Variants in AGAP5 observed in about 807,000 individuals in gnomAD.
AGAP5 encodes the protein arf-GAP with GTPase, ANK repeat and PH domain-containing protein 5.
AGAP5 carries 8 observed loss-of-function variants against 27.7 expected under a neutral mutation model. That is an observed-to-expected ratio of 0.29 (90% CI 0.17 to 0.52). AGAP5 has a LOEUF of 0.52. AGAP5 is among the 20% of genes least tolerant of loss of function. The probability of loss-of-function intolerance (pLI) is 0.97; values close to 1 mark genes in which losing one functional copy is unlikely to be tolerated. For synonymous variants in AGAP5, 111 were observed against 338.0 expected (o/e 0.33, Z 7.37); for missense variants, 285 against 880.8 (o/e 0.32, Z 8.56).
At chr10:73,686,577 G>C (rs1187318819) in intron 4 of AGAP5, among the ~76,000 whole-genome samples, 3 of 152,198 alleles carry the variant, frequency 2.0e-5, no homozygotes, top group Non-Finnish European at 4.4e-5. Flanking sequence ...CTTCTGCACA[G>C]GAAGAGGAAC....
intron 4 of AGAP5, among the ~76,000 whole-genome samples, chr10:73,690,369 C>G (rs572985755): frequency 6.6e-6 from 1 of 152,154 alleles, no homozygotes; most frequent in Admixed American, 6.5e-5. Flanking sequence ...GGATTAAGGG[C>G]GGTGCCAAGA....
chr10:73,696,722 CT>C (rs1331568401), intron 2 of AGAP5, among the ~76,000 whole-genome samples: 2 of 152,156 alleles, frequency 1.3e-5, no homozygotes, highest in South Asian at 4.1e-4. Context: ...ACTCTTTTTT[CT>C]TTTTCCTTCT....
chr10:73,694,599 A>G, intron 3 of AGAP5, 137 bp downstream of exon 3: 1 of 1,478,408 alleles, frequency 6.8e-7, no homozygotes, highest in Non-Finnish European at 9.2e-7. Flanking sequence ...AGTATATCAC[A>G]TATTAAAATA....
chr10:73,676,239 G>A (rs2081977815), intron 7 of AGAP5, among the ~76,000 whole-genome samples, 165 bp from the exon 8 acceptor site: 1 of 138,600 alleles, frequency 7.2e-6, no homozygotes, highest in South Asian at 2.3e-4. Flanking sequence ...GGTGGATCAC[G>A]AGGTCAGGAG....
At chr10:73,677,376 CTTTTTTTTTT>C (rs3998276) in intron 6 of AGAP5, among the ~76,000 whole-genome samples, 1 of 32,466 alleles carries the variant, frequency 3.1e-5, no homozygotes, top group African/African-American at 1.1e-4. Flanking sequence ...CATAACTGTT[CTTTTTTTTTT>C]TTTTTTTTTT....
chr10:73,687,208 C>A (rs1298024328), intron 4 of AGAP5, among the ~76,000 whole-genome samples: 1 of 152,240 alleles, frequency 6.6e-6, no homozygotes. Context: ...ATTTTTCACT[C>A]TCCTTTTGGG....
At chr10:73,678,460 T>TGAAAACAAA (rs1839780146) in intron 6 of AGAP5, among the ~76,000 whole-genome samples, 1 of 151,706 alleles carries the variant, frequency 6.6e-6, no homozygotes, top group Non-Finnish European at 1.5e-5. Flanking sequence ...ATGATAAAAT[T>TGAAAACAAA]TAAGCTTTCC....
intron 3 of AGAP5, among the ~76,000 whole-genome samples, chr10:73,692,987 T>A (rs1057079135): frequency 2.4e-4 from 36 of 152,062 alleles, no homozygotes; most frequent in African/African-American, 8.7e-4. Flanking sequence ...TAATTGGACA[T>A]GGTGTCTGCA....
chr10:73,676,703 T>C lies in AGAP5; in HGVS notation c.585+16A>G, dbSNP rs1410001762. The C allele has an allele frequency of 9.8e-7, 1 of 1,020,802 alleles. No homozygotes were observed. The highest frequency in any genetic ancestry group is 2.3e-5 in the East Asian group (1 of 43,456). The allele number at this position is 1,020,802 out of a possible 1,614,324, so 63.2% of individuals were successfully genotyped here. ...GTGTACGATGAAAATAGAACCTCAA[T>C]AAAAGTGCCACTTACCGCAAATGAG... is the stretch of plus-strand genomic sequence containing the variant. On this transcript the variant is annotated intron_variant, in intron 7 of 7. Coordinates refer to ENST00000374094, the MANE Select transcript of AGAP5 (RefSeq NM_001144000.4).
At chr10:73,681,429 G>A (rs890436683) in intron 5 of AGAP5, 49 of 985,386 alleles carry the variant, frequency 5.0e-5, no homozygotes, top group Middle Eastern at 5.2e-4. Flanking sequence ...TGATCTCAGC[G>A]AGTGCCACCT....
chr10:73,688,590 C>G (rs1438192310), intron 4 of AGAP5, among the ~76,000 whole-genome samples: 1 of 150,052 alleles, frequency 6.7e-6, no homozygotes, highest in African/African-American at 2.5e-5. Context: ...ACAGAATATC[C>G]CAGAACTAGA....
At chr10:73,681,256 G>A (rs1386757021) in intron 5 of AGAP5, 2 of 942,146 alleles carry the variant, frequency 2.1e-6, no homozygotes, top group Non-Finnish European at 2.5e-6. Flanking sequence ...TTGAGCTGGG[G>A]TGAAAATCAG....
At position 73,675,574 on chromosome 10, in the gene AGAP5, G is replaced by A. The variant is rs1222238194; in HGVS notation, c.1086C>T (p.Gly362=). 1 of 1,614,136 alleles carries A rather than the reference G, an allele frequency of 6.2e-7. No individual in the cohort carries two copies. The highest frequency in any genetic ancestry group is 8.5e-7 in the Non-Finnish European group (1 of 1,180,054). The change falls in exon 8 of 8, where the codon GGC becomes GGT. Residue 362 remains glycine (G), a synonymous_variant. Transcript: ENST00000374094. The part of the protein sequence containing the change: ...CAPISSSKSN[G]LSKDMDTGLG... Reference sequence around the variant, plus strand: ...GCCCGGTGTCCATGTCCTTGGATAGGCCATTGCTTTTAGAGCTGGAGATGG... The same window carrying A: ...GCCCGGTGTCCATGTCCTTGGATAGACCATTGCTTTTAGAGCTGGAGATGG...
In AGAP5 at chr10:73,682,951, AAC is replaced by A. The variant is rs1401276473; in HGVS notation, c.397-159_397-158del. 3.6e-5 allele frequency among the ~76,000 whole-genome samples: 4 copies of A among 111,566 alleles called. No homozygotes were observed. The East Asian group carries it at 8.0e-4, about 22-fold the overall frequency. The allele number at this position is 111,566 out of a possible 152,430, so 73.2% of individuals were successfully genotyped here. ...TATAGAAAACCCATTGGAGGCTCTC[AAC>A]TTCCAGAGATGATGTTTAAGATATG... On this transcript the variant is annotated intron_variant, in intron 4 of 7. Transcript: ENST00000374094.
intron 4 of AGAP5, among the ~76,000 whole-genome samples, chr10:73,690,598 T>A (rs2082109283): frequency 2.8e-5 from 3 of 107,794 alleles, no homozygotes; most frequent in African/African-American, 3.8e-5. Flanking sequence ...CACCCAAGAA[T>A]GATCAATTAA....
intron 4 of AGAP5, among the ~76,000 whole-genome samples, chr10:73,689,895 C>T (rs1271613860): frequency 4.0e-5 from 6 of 148,546 alleles, no homozygotes; most frequent in African/African-American, 7.5e-5. Context: ...CCGCCCCGTC[C>T]GGGAGGTGAG....
At chr10:73,676,303 AAAAAAG>A (rs1279925945) in intron 7 of AGAP5, among the ~76,000 whole-genome samples, 1 of 139,688 alleles carries the variant, frequency 7.2e-6, no homozygotes, top group African/African-American at 2.6e-5. Flanking sequence ...AAAAAAAAAA[AAAAAAG>A]AAAAGAAAAA....
At chr10:73,692,170 T>A (rs1331074006) in intron 3 of AGAP5, 93 bp from the exon 4 acceptor site, 3 of 438,256 alleles carry the variant, frequency 6.8e-6, no homozygotes, top group Non-Finnish European at 8.1e-6. Flanking sequence ...CTATGTAAAA[T>A]GAGACAAAAT....
At chr10:73,689,583 G>A (rs1192200124) in intron 4 of AGAP5, among the ~76,000 whole-genome samples, 2 of 151,020 alleles carry the variant, frequency 1.3e-5, no homozygotes, top group Non-Finnish European at 2.9e-5. Context: ...AGGAAGTGAG[G>A]AGAGTCTCTG....
Sources: allele counts gnomAD v4.1 joint callset (sites outside exome capture counted in the v4.1 genomes callset), GRCh38; gene constraint gnomAD v4.1.1; transcripts MANE v1.5; gene names NCBI Gene and HGNC (gene_info 2026-07-23, HGNC 2026-07-21).